The following PPP1R42 variants were observed in gnomAD, a reference collection of about 807,000 sequenced individuals.
PPP1R42 encodes protein phosphatase 1 regulatory subunit 42, also known as leucine rich repeat containing 67.
A neutral mutation model predicts 31.0 loss-of-function variants in PPP1R42; 34 were observed. That is an observed-to-expected ratio of 1.10 (90% CI 0.83 to 1.46). The LOEUF (loss-of-function observed/expected upper bound fraction) is 1.46. Ranked by LOEUF, PPP1R42 falls within the 40% of genes most tolerant of loss-of-function variation. The pLI, the probability that PPP1R42 is intolerant of heterozygous loss-of-function variation, is 0.00. For missense variants in PPP1R42, 268 were observed against 303.0 expected, an observed-to-expected ratio of 0.88 and a Z score of 0.86; for synonymous variants, 103 against 109.8, an observed-to-expected ratio of 0.94 and a Z score of 0.39.
intron 5 of PPP1R42, among the ~76,000 whole-genome samples, chr8:67,005,232 C>T (rs1409652395): frequency 6.6e-6 from 1 of 151,558 alleles, no homozygotes; most frequent in African/African-American, 2.4e-5. Flanking sequence ...TCTATCCAGG[C>T]ATTCTTTAAA....
intron 5 of PPP1R42, 129 bp from the exon 6 acceptor site, chr8:66,988,646 A>C: frequency 1.3e-6 from 1 of 748,670 alleles, no homozygotes. Flanking sequence ...GGTACTTAGA[A>C]GGTGCATAAT....
intron 2 of PPP1R42, 72 bp from the exon 3 acceptor site, chr8:67,014,664 TTTCAGTTGA>T (rs1460214986): frequency 9.7e-7 from 1 of 1,030,736 alleles, no homozygotes; most frequent in Admixed American, 2.7e-5. Context: ...TAACAAAAAT[TTTCAGTTGA>T]TCATTCTACA....
intron 2 of PPP1R42, among the ~76,000 whole-genome samples, chr8:67,017,215 T>G (rs1419597517): frequency 6.6e-6 from 1 of 152,220 alleles, no homozygotes; most frequent in Admixed American, 6.5e-5. Flanking sequence ...GGCTTGCGTG[T>G]GTAATCCCAG....
At chr8:67,004,722 G>A (rs1399225800) in intron 5 of PPP1R42, among the ~76,000 whole-genome samples, 1 of 152,014 alleles carries the variant, frequency 6.6e-6, no homozygotes, top group Non-Finnish European at 1.5e-5. Context: ...TATTTCTTCG[G>A]AATTCTTTCT....
chr8:66,995,307 A>G (rs1815304813), intron 5 of PPP1R42, among the ~76,000 whole-genome samples: 1 of 152,200 alleles, frequency 6.6e-6, no homozygotes, highest in South Asian at 2.1e-4. Context: ...TTTCAAACAT[A>G]TCCTGGGCAA....
chr8:66,964,914 T>C (rs1203861517), intron 7 of PPP1R42, among the ~76,000 whole-genome samples: 1 of 152,218 alleles, frequency 6.6e-6, no homozygotes, highest in East Asian at 1.9e-4. Flanking sequence ...CAAAATTATC[T>C]TGTGCTGACC....
chr8:67,024,593 G>A (rs1472410269), intron 1 of PPP1R42, among the ~76,000 whole-genome samples: 1 of 151,470 alleles, frequency 6.6e-6, no homozygotes, highest in Non-Finnish European at 1.5e-5. Context: ...TCCTGCCTCA[G>A]CCTCCTGAGT....
chr8:66,982,233 G>A (rs1010541602), intron 6 of PPP1R42, 53 bp from the exon 7 acceptor site: 2 of 852,896 alleles, frequency 2.3e-6, no homozygotes, highest in African/African-American at 3.5e-5. Flanking sequence ...ATAAACATAA[G>A]TCAAAATATG....
chr8:66,999,613 G>C (rs1815427183), intron 5 of PPP1R42, among the ~76,000 whole-genome samples: 1 of 152,156 alleles, frequency 6.6e-6, no homozygotes, highest in Non-Finnish European at 1.5e-5. Flanking sequence ...GCCTCCTGAA[G>C]TGCTAGGGTT....
intron 6 of PPP1R42, chr8:66,986,164 C>A: frequency 1.6e-6 from 1 of 623,848 alleles, no homozygotes. Context: ...ACCCAGCACG[C>A]TTTTCACTGT....
At chr8:66,985,429 G>C in intron 6 of PPP1R42, 1 of 780,080 alleles carries the variant, frequency 1.3e-6, no homozygotes, top group Middle Eastern at 2.4e-4. Context: ...CTTGCCTGTT[G>C]CATCTACAAT....
At chr8:66,988,230 CTTTA>C (rs1481346430) in intron 6 of PPP1R42, 166 bp downstream of exon 6, 69 of 1,242,358 alleles carry the variant, frequency 5.6e-5, no homozygotes, top group South Asian at 6.6e-5. Context: ...GTTTTTCATG[CTTTA>C]TTTGTCAATT....
intron 1 of PPP1R42, among the ~76,000 whole-genome samples, chr8:67,022,743 C>A (rs1816261547): frequency 6.6e-6 from 1 of 151,938 alleles, no homozygotes; most frequent in African/African-American, 2.4e-5. Context: ...AACCAATTAC[C>A]CCAGTACTTG....
At chr8:66,998,904 G>GT (rs921364027) in intron 5 of PPP1R42, among the ~76,000 whole-genome samples, 25 of 150,924 alleles carry the variant, frequency 1.7e-4, no homozygotes, top group East Asian at 1.2e-3. Flanking sequence ...GTCATTGTGT[G>GT]TTTTTTTTTA....
chr8:67,003,166 CAAAAAAAAAAAAA>C (rs529377387), intron 5 of PPP1R42, among the ~76,000 whole-genome samples: 1 of 57,708 alleles, frequency 1.7e-5, no homozygotes, highest in South Asian at 6.9e-4. Flanking sequence ...AACTCCGTCT[CAAAAAAAAAAAAA>C]AAAAAAAGAA....
At chr8:67,012,870 T>A in intron 4 of PPP1R42, 88 bp downstream of exon 4, 1 of 1,261,920 alleles carries the variant, frequency 7.9e-7, no homozygotes, top group East Asian at 2.5e-5. Context: ...GGATGTACAA[T>A]GTCCAAATAT....
chr8:67,001,306 C>T (rs1318211277), intron 5 of PPP1R42, among the ~76,000 whole-genome samples: 2 of 149,936 alleles, frequency 1.3e-5, no homozygotes, highest in Admixed American at 6.7e-5. Flanking sequence ...CCACCTTGGC[C>T]TCCTAAAGTG....
chr8:66,999,521 G>A lies in PPP1R42; in HGVS notation c.553-11004C>T, dbSNP rs1815423921. ...CAGGCATGAGCCCTGGCTAATTTTT[G>A]TATTTTTTGTAGAGATGGGGTCTCC... is the stretch of plus-strand genomic sequence containing the variant. On this transcript the variant is annotated intron_variant, in intron 5 of 7. Transcript: ENST00000685739. Among the ~76,000 whole-genome samples the A allele has an allele frequency of 2.0e-5, 3 of 152,084 alleles. No individual in the cohort carries two copies. The South Asian group carries it at 6.2e-4, about 32-fold the overall frequency.
chr8:67,027,241 G>A (rs564841478), intron 1 of PPP1R42, among the ~76,000 whole-genome samples: 9 of 152,142 alleles, frequency 5.9e-5, no homozygotes, highest in Non-Finnish European at 1.2e-4. Context: ...CAATATGCCA[G>A]AGCAGCATAT....
Sources: gnomAD v4.1 joint callset for allele counts (sites outside exome capture counted in the v4.1 genomes callset) on GRCh38, gnomAD v4.1.1 for gene constraint, MANE v1.5 for transcripts, NCBI Gene and HGNC (gene_info 2026-07-23, HGNC 2026-07-21) for gene names.